Variants in PRKN observed in about 807,000 individuals in gnomAD.
PRKN encodes the protein E3 ubiquitin-protein ligase parkin.
Under a neutral mutation model 59.5 loss-of-function variants are expected in PRKN, and 56 were observed. The observed-to-expected ratio is 0.94, with a 90% CI of 0.76 to 1.18. The LOEUF is 1.18. PRKN is among the 50% of genes most tolerant of loss of function. The probability of loss-of-function intolerance (pLI) is 0.00; values close to 1 mark genes in which losing one functional copy is unlikely to be tolerated. For missense variants in PRKN, 657 were observed against 596.4 expected (o/e 1.10, Z -1.06); for synonymous variants, 250 against 222.1 (o/e 1.13, Z -1.12).
chr6:162,265,821 G>A (rs907379272), intron 2 of PRKN, among the ~76,000 whole-genome samples: 13 of 152,172 alleles, frequency 8.5e-5, no homozygotes, highest in Admixed American at 5.9e-4. Context: ...GCCTGAGGCC[G>A]CGGGCACCCT....
At chr6:161,722,570 C>T (rs57776649) in intron 7 of PRKN, among the ~76,000 whole-genome samples, 2 of 152,276 alleles carry the variant, frequency 1.3e-5, no homozygotes, top group African/African-American at 4.8e-5. Flanking sequence ...CTGGTCCAAA[C>T]GTGTAAACAT....
intron 8 of PRKN, 127 bp downstream of exon 8, chr6:161,569,228 G>T (rs1258312089): frequency 2.5e-6 from 2 of 800,540 alleles, no homozygotes; most frequent in East Asian, 2.5e-5. Flanking sequence ...CTCCAGCATG[G>T]TTTTCTTCCC....
chr6:161,888,652 C>T (rs1327237305), intron 6 of PRKN, among the ~76,000 whole-genome samples: 1 of 152,164 alleles, frequency 6.6e-6, no homozygotes, highest in Non-Finnish European at 1.5e-5. Flanking sequence ...GTAGGCCTGT[C>T]ATTATCAATA....
At chr6:161,846,514 G>A (rs149283816) in intron 6 of PRKN, among the ~76,000 whole-genome samples, 1,740 of 152,212 alleles carry the variant, frequency 0.011, 11 homozygotes, top group Non-Finnish European at 0.018. Context: ...TTGCTGTTGG[G>A]AGCACAGGGC....
At chr6:161,775,040 G>T (rs1037375803) in intron 7 of PRKN, among the ~76,000 whole-genome samples, 2 of 152,120 alleles carry the variant, frequency 1.3e-5, no homozygotes. Flanking sequence ...CCAGGAGCTA[G>T]AAAGAGAATG....
At chr6:162,214,644 TA>T (rs1777559950) in intron 3 of PRKN, among the ~76,000 whole-genome samples, 1 of 152,108 alleles carries the variant, frequency 6.6e-6, no homozygotes, top group Admixed American at 6.5e-5. Flanking sequence ...ATCCAGTACA[TA>T]TGCAAATAAT....
At chr6:161,648,193 C>T (rs1784025500) in intron 7 of PRKN, among the ~76,000 whole-genome samples, 1 of 152,066 alleles carries the variant, frequency 6.6e-6, no homozygotes, top group Non-Finnish European at 1.5e-5. Context: ...TGTAGTTTTG[C>T]CTTATTATTT....
Position 161,839,812 on chromosome 6 carries a change from G to C in PRKN, c.735-53904C>G, listed in dbSNP as rs904295033. On this transcript the variant is annotated intron_variant, in intron 6 of 11. Coordinates refer to ENST00000366898, the MANE Select transcript of PRKN (RefSeq NM_004562.3). ...AGGAACACACGGAAAAAAGTCCACT[G>C]AGCAAATCAGAAGGCACATACCCGT... is the stretch of plus-strand genomic sequence containing the variant. Among the ~76,000 whole-genome samples the C allele has an allele frequency of 3.9e-5, 6 of 152,192 alleles. 1 individual carries two copies. The highest frequency in any genetic ancestry group is 7.3e-5 in the Non-Finnish European group (5 of 68,042).
chr6:161,883,498 G>A (rs1795018784), intron 6 of PRKN, among the ~76,000 whole-genome samples: 1 of 150,874 alleles, frequency 6.6e-6, no homozygotes, highest in Non-Finnish European at 1.5e-5. Context: ...GGGAAGGGAA[G>A]GGAAGGGAAG....
At chr6:162,068,839 C>CG (rs1253163946) in intron 4 of PRKN, among the ~76,000 whole-genome samples, 17 of 20,658 alleles carry the variant, frequency 8.2e-4, no homozygotes, top group South Asian at 1.9e-3. Flanking sequence ...GTCACTGGGC[C>CG]GGGGGGGTGG....
At chr6:161,580,620 G>A (rs985236516) in intron 7 of PRKN, among the ~76,000 whole-genome samples, 3 of 151,374 alleles carry the variant, frequency 2.0e-5, no homozygotes, top group Admixed American at 2.0e-4. Context: ...AGGACTACAG[G>A]CGCCCTCCAC....
chr6:162,095,937 A>G (rs1486065863), intron 4 of PRKN, among the ~76,000 whole-genome samples: 4 of 152,286 alleles, frequency 2.6e-5, no homozygotes, highest in East Asian at 3.9e-4. Context: ...CTGGACACAC[A>G]CCCACAGTGC....
rs567921676 is a variant in PRKN at position 162,295,188 on chromosome 6, C to T, written c.172-32423G>A. On this transcript the variant is annotated intron_variant, in intron 2 of 11. Coordinates refer to ENST00000366898, the MANE Select transcript of PRKN (RefSeq NM_004562.3). Reference sequence around the variant, plus strand: ...CAACATCAGGGAGCTCTTCCAAATGCTGGTCGCTCGGTACCCATATGGAGG... The same window carrying T: ...CAACATCAGGGAGCTCTTCCAAATGTTGGTCGCTCGGTACCCATATGGAGG... 8.6e-4 allele frequency among the ~76,000 whole-genome samples: 131 copies of T among 152,186 alleles called. 1 individual carries two copies. Among genetic ancestry groups the T allele is most frequent in the Non-Finnish European group, 1.5e-3 (103 of 68,040 alleles).
rs2114868558 is a variant in PRKN at position 161,363,466 on chromosome 6, T to G, written c.1168-3261A>C. ...AAATTAGATACAAATGAAGAGAGAA[T>G]TTGTGAACTGAAAGATGGAGCTGAA... is the stretch of plus-strand genomic sequence containing the variant. On this transcript the variant is annotated intron_variant, in intron 10 of 11. Transcript: ENST00000366898. This position sits in a 1 kb window ranked among gnomAD's most constrained non-coding sequence, Gnocchi z 4.1. 6.6e-6 allele frequency among the ~76,000 whole-genome samples: 1 copy of G among 152,054 alleles called. No individual in the cohort carries two copies. The highest frequency in any genetic ancestry group is 6.6e-5 in the Admixed American group (1 of 15,260).
rs191376346 is a variant in PRKN at position 161,760,911 on chromosome 6, T to G, written c.871+24861A>C. 3.9e-3 allele frequency among the ~76,000 whole-genome samples: 593 copies of G among 152,334 alleles called. 3 individuals are homozygous for G. Among genetic ancestry groups the G allele is most frequent in the Admixed American group, 8.4e-3 (128 of 15,308 alleles). ...TGGCATGAATGAGTCAAGACTTCAG[T>G]GAGGCAGCACATATTTCAATACAAT... On this transcript the variant is annotated intron_variant, in intron 7 of 11. Coordinates refer to ENST00000366898, the MANE Select transcript of PRKN (RefSeq NM_004562.3).
At chr6:162,254,122 G>A (rs79576384) in intron 3 of PRKN, among the ~76,000 whole-genome samples, 3,373 of 152,150 alleles carry the variant, frequency 0.022, 99 homozygotes, top group South Asian at 0.063. Context: ...AGGAAGGACC[G>A]TCTTTGACTA....
chr6:161,662,370 G>A (rs559961329), intron 7 of PRKN, among the ~76,000 whole-genome samples: 24 of 152,286 alleles, frequency 1.6e-4, no homozygotes, highest in Middle Eastern at 3.4e-3. Context: ...TGACAGGAAC[G>A]GATGGGAGAA....
intron 7 of PRKN, among the ~76,000 whole-genome samples, chr6:161,617,424 A>C (rs1484770319): frequency 6.6e-6 from 1 of 152,242 alleles, no homozygotes; most frequent in Admixed American, 6.5e-5. Context: ...AAATATTTTT[A>C]GTACTGCATT....
chr6:162,570,910 T>C (rs903929441), intron 1 of PRKN, among the ~76,000 whole-genome samples: 1 of 152,224 alleles, frequency 6.6e-6, no homozygotes, highest in Non-Finnish European at 1.5e-5. Flanking sequence ...AACTTAATTG[T>C]GTATTTTAAA....
Sources: allele counts gnomAD v4.1 joint callset (sites outside exome capture counted in the v4.1 genomes callset), GRCh38; gene constraint gnomAD v4.1.1; non-coding constraint Gnocchi (gnomAD v3.1); transcripts MANE v1.5; gene names NCBI Gene and HGNC (gene_info 2026-07-23, HGNC 2026-07-21).